The following ZNF268 variants were observed in gnomAD, a reference collection of about 807,000 sequenced individuals.
The protein encoded by ZNF268 is zinc finger protein 268, also known as zinc finger protein 3.
ZNF268 carries 20 observed loss-of-function variants against 29.3 expected under a neutral mutation model. The observed-to-expected ratio is 0.68, with a 90% CI of 0.48 to 0.99. ZNF268 has a LOEUF of 0.99. Among genes scored for constraint, ZNF268 ranks in the 50% least tolerant of loss-of-function variants. The pLI is 0.00. For synonymous variants in ZNF268, 429 were observed against 376.9 expected, an observed-to-expected ratio of 1.14 and a Z score of -1.60; for missense variants, 1,240 against 1,121.6, an observed-to-expected ratio of 1.11 and a Z score of -1.51.
At chr12:133,200,234 TTCTCA>T (rs1276455557) in intron 5 of ZNF268, among the ~76,000 whole-genome samples, 2 of 152,222 alleles carry the variant, frequency 1.3e-5, no homozygotes, top group Non-Finnish European at 2.9e-5. Context: ...TGTGTCTTTG[TTCTCA>T]TTGGTTTCAA....
At position 133,187,990 on chromosome 12, in the gene ZNF268, A is replaced by G; in HGVS notation, c.152A>G (p.Gln51Arg). The G allele has an allele frequency of 6.3e-7, 1 of 1,597,806 alleles. No individual in the cohort carries two copies. The change falls in exon 3 of 6, where the codon CAG becomes CGG. Residue 51 changes from glutamine (Q) to arginine (R), a missense_variant. Transcript: ENST00000536435. The stretch of plus-strand genomic sequence containing the variant: ...CAACCTCTCCCTGGAACACCCAGGC[A>G]GAAGCAGAAGAGTCGCAGAATAGAG... ...GLQPLPGTPR[Q>R]KQKSRRIEKV...
rs1475894142 is a variant in ZNF268, at chr12:133,202,871, A to T, written c.1185A>T (p.Lys395Asn). 3.2e-6 allele frequency: 5 copies of T among 1,566,088 alleles called. No homozygotes were observed. In the Admixed American group the frequency reaches 9.4e-5, roughly 29 times the overall value. The change falls in exon 6 of 6, where the codon AAA (lysine) becomes AAT (asparagine). Residue 395 changes from lysine to asparagine, a missense_variant. Lys to Asn is a moderately conservative substitution (Grantham distance 94, BLOSUM62 0). Around this residue, in one of 3 missense-constraint regions of ZNF268, gnomAD observed 1,177 missense variants for 1,039.6 expected, o/e 1.13. Coordinates refer to ENST00000536435, the MANE Select transcript of ZNF268 (RefSeq NM_003415.3). ...QKPYVCNECGKAFGLKSQLII... is the reference protein window; with the variant it reads ...QKPYVCNECGNAFGLKSQLII... ...CATATGTGTGTAATGAATGTGGGAA[A>T]GCTTTTGGTTTAAAATCACAGCTCA...
In ZNF268 at chr12:133,191,580, T is replaced by G. The variant is rs779409454; in HGVS notation, c.326T>G (p.Val109Gly). ...DPAQKCLYRS[V>G]MLENYSNLVS... ...GCACAGAAGTGCCTGTACAGGAGTGTGATGTTGGAGAACTATAGCAACCTG... is the reference window on the plus strand; with the variant it reads ...GCACAGAAGTGCCTGTACAGGAGTGGGATGTTGGAGAACTATAGCAACCTG... The change falls in exon 4 of 6, where the codon GTG (valine) becomes GGG (glycine). Residue 109 changes from valine (V) to glycine (G), a missense_variant. Coordinates refer to ENST00000536435, the MANE Select transcript of ZNF268 (RefSeq NM_003415.3). The G allele has an allele frequency of 3.1e-6, 5 of 1,613,962 alleles. No homozygotes were observed. The highest frequency in any genetic ancestry group is 1.3e-5 in the African/African-American group (1 of 74,900).
chr12:133,193,390 A>G, intron 5 of ZNF268: 1 of 620,902 alleles, frequency 1.6e-6, no homozygotes, highest in Non-Finnish European at 2.9e-6. Context: ...ACTATAGACT[A>G]GGTAATTTTA....
Position 133,204,033 on chromosome 12 carries a change from AG to A in ZNF268, c.2348del (p.Ser783MetfsTer13). 1 of 1,572,196 alleles carries A rather than the reference AG, an allele frequency of 6.4e-7. No individual in the cohort carries two copies. Among genetic ancestry groups the A allele is most frequent in the Non-Finnish European group, 8.6e-7 (1 of 1,161,882 alleles). ...TGCAGGGGAAAAGCCTTATGGGTGC[AG>A]TGAATGTGGGAAAGCTTTTAGCAGC... Reference protein sequence around the residue: ...THAGEKPYGCSECGKAFSSKS... With the variant: ...THAGEKPYGCXECGKAFSSKS... On this transcript the variant is annotated frameshift_variant, in exon 6 of 6. Coordinates refer to ENST00000536435, the MANE Select transcript of ZNF268 (RefSeq NM_003415.3). LOFTEE classifies it low-confidence loss of function (END_TRUNC).
rs1555305584 is a variant in ZNF268 at position 133,211,208 on chromosome 12, T to TAA, written c.*6687_*6688dup. ...TGAAAAAGTGTTTGTATGCAAAATA[T>TAA]AAAAAAAAAACCCTAAAATTGAACA... is the stretch of plus-strand genomic sequence containing the variant. On this transcript the variant is annotated 3_prime_UTR_variant, in exon 6 of 6. Coordinates refer to ENST00000536435, the MANE Select transcript of ZNF268 (RefSeq NM_003415.3). 5.9e-4 allele frequency: 163 copies of TAA among 275,776 alleles called. No individual in the cohort carries two copies. The highest frequency in any genetic ancestry group is 3.1e-3 in the African/African-American group (105 of 33,406). 17.1% of individuals were successfully genotyped at this position (275,776 alleles called of 1,614,324 possible).
At chr12:133,199,736 G>A (rs1048906820) in intron 5 of ZNF268, among the ~76,000 whole-genome samples, 1 of 152,208 alleles carries the variant, frequency 6.6e-6, no homozygotes, top group Non-Finnish European at 1.5e-5. Flanking sequence ...TCTATTCAGA[G>A]AGTCAACTTC....
chr12:133,195,680 C>G (rs887071792), intron 5 of ZNF268, among the ~76,000 whole-genome samples: 7 of 152,062 alleles, frequency 4.6e-5, no homozygotes, highest in African/African-American at 1.4e-4. Flanking sequence ...GCACTTGAAT[C>G]TGGGTGACAG....
At chr12:133,199,687 G>A (rs1199710404) in intron 5 of ZNF268, among the ~76,000 whole-genome samples, 1 of 152,066 alleles carries the variant, frequency 6.6e-6, no homozygotes, top group Non-Finnish European at 1.5e-5. Context: ...TGGTTGGTAA[G>A]CTATTGATTA....
Position 133,204,859 on chromosome 12 carries a change from G to T in ZNF268, c.*329G>T. 4.8e-6 allele frequency: 1 copy of T among 210,286 alleles called. No individual in the cohort carries two copies. Among genetic ancestry groups the T allele is most frequent in the Non-Finnish European group, 9.4e-6 (1 of 106,482 alleles). The allele number at this position is 210,286 out of a possible 1,614,324, so 13.0% of individuals were successfully genotyped here. A position where few individuals can be genotyped will look rare whatever the true frequency, so the allele number is the denominator to read the frequency against. On this transcript the variant is annotated 3_prime_UTR_variant, in exon 6 of 6. Coordinates refer to ENST00000536435, the MANE Select transcript of ZNF268 (RefSeq NM_003415.3). ...TTTACTAAAATAAGATTCACAAAGAGGAAACTTCATGAACCAGATGAATAT... is the reference window on the plus strand; with the variant it reads ...TTTACTAAAATAAGATTCACAAAGATGAAACTTCATGAACCAGATGAATAT...
Position 133,203,347 on chromosome 12 carries a change from A to C in ZNF268, c.1661A>C (p.Asn554Thr), listed in dbSNP as rs1279587111. The change falls in exon 6 of 6, where the codon AAC becomes ACC. Residue 554 changes from asparagine (N) to threonine (T), a missense_variant. Coordinates refer to ENST00000536435, the MANE Select transcript of ZNF268 (RefSeq NM_003415.3). The stretch of plus-strand genomic sequence containing the variant: ...CATCAGAGGATTCATACAGGAGAGA[A>C]CCCCTATGAATGCCATGAATGTGGG... ...IIHQRIHTGE[N>T]PYECHECGKA... 1 of 1,547,766 alleles carries C rather than the reference A, an allele frequency of 6.5e-7. No individual in the cohort carries two copies. The highest frequency in any genetic ancestry group is 1.4e-5 in the African/African-American group (1 of 73,126).
At chr12:133,193,242 A>G (rs1055161017) in intron 5 of ZNF268, among the ~76,000 whole-genome samples, 46 of 152,050 alleles carry the variant, frequency 3.0e-4, no homozygotes, top group African/African-American at 1.1e-3. Context: ...CTGAGGTGGG[A>G]GGATTGCTTG....
intron 5 of ZNF268, 28 bp from the exon 6 acceptor site, chr12:133,202,116 A>G (rs998947937): frequency 5.9e-6 from 9 of 1,516,930 alleles, no homozygotes; most frequent in Non-Finnish European, 8.0e-6. Flanking sequence ...GTGATTTATA[A>G]CATGTGACCA....
At chr12:133,196,319 T>TAA (rs58218652) in intron 5 of ZNF268, among the ~76,000 whole-genome samples, 3 of 100,940 alleles carry the variant, frequency 3.0e-5, no homozygotes, top group South Asian at 3.4e-4. Flanking sequence ...AGACTCCATC[T>TAA]AAAAAAAAAA....
intron 5 of ZNF268, among the ~76,000 whole-genome samples, chr12:133,199,402 G>A (rs1490866783): frequency 1.4e-5 from 2 of 146,268 alleles, no homozygotes; most frequent in African/African-American, 5.1e-5. Flanking sequence ...GATCATGGTG[G>A]ATAAGCTTTT....
rs565059550 is a variant in ZNF268, at chr12:133,212,445, TTATATATATATA to T, written c.*7957_*7968del. The T allele has an allele frequency of 2.2e-4, 26 of 118,592 alleles. No individual in the cohort carries two copies. The highest frequency in any genetic ancestry group is 4.3e-3 in the Middle Eastern group (1 of 232). The allele number at this position is 118,592 out of a possible 1,614,324, so 7.3% of individuals were successfully genotyped here. A position where few individuals can be genotyped will look rare whatever the true frequency, so the allele number is the denominator to read the frequency against. On this transcript the variant is annotated 3_prime_UTR_variant, in exon 6 of 6. Coordinates refer to ENST00000536435, the MANE Select transcript of ZNF268 (RefSeq NM_003415.3). Reference sequence around the variant, plus strand: ...CCAAGGGAGACTTTCATGTGTGATTTTATATATATATATATATATATATATATATATATATAT... The same window carrying T: ...CCAAGGGAGACTTTCATGTGTGATTTTATATATATATATATATATATATAT...
intron 5 of ZNF268, among the ~76,000 whole-genome samples, chr12:133,195,271 A>G (rs1203804886): frequency 2.6e-5 from 4 of 152,166 alleles, no homozygotes; most frequent in African/African-American, 9.7e-5. Context: ...CAGAATCTCA[A>G]TTCTCTTGGT....
intron 5 of ZNF268, 60 bp downstream of exon 5, chr12:133,192,063 A>G: frequency 7.7e-7 from 1 of 1,301,684 alleles, no homozygotes; most frequent in Non-Finnish European, 1.1e-6. Flanking sequence ...TTCCAATGTG[A>G]TGTGCTCCTC....
chr12:133,204,043 G>T lies in ZNF268; in HGVS notation c.2357G>T (p.Gly786Val). 1 of 1,568,572 alleles carries T rather than the reference G, an allele frequency of 6.4e-7. No homozygotes were observed. Among genetic ancestry groups the T allele is most frequent in the Non-Finnish European group, 8.6e-7 (1 of 1,160,168 alleles). ...GEKPYGCSEC[G>V]KAFSSKSYLI... ...AAGCCTTATGGGTGCAGTGAATGTG[G>T]GAAAGCTTTTAGCAGCAAGTCATAC... Residue 786 changes from glycine (G) to valine (V), a missense_variant, in exon 6 of 6, where the codon GGG becomes GTG. By Grantham distance (109) the Gly-to-Val change is moderately radical. Transcript: ENST00000536435.
Sources: allele counts gnomAD v4.1 joint callset (sites outside exome capture counted in the v4.1 genomes callset), GRCh38; gene constraint gnomAD v4.1.1; regional missense constraint gnomAD v4.1.1; transcripts MANE v1.5; gene names NCBI Gene and HGNC (gene_info 2026-07-23, HGNC 2026-07-21).